GPHN: variants seen among roughly 807,000 people sequenced by gnomAD.
GPHN encodes gephyrin.
In GPHN, 17 loss-of-function variants were observed where a neutral mutation model predicts 95.5. That is an observed-to-expected ratio of 0.18 (90% CI 0.12 to 0.27). GPHN has a LOEUF of 0.27. Ranked by LOEUF, GPHN falls within the 10% of genes least tolerant of loss-of-function variation. The pLI is 1.00. For synonymous variants in GPHN, 320 were observed against 322.5 expected (o/e 0.99, Z 0.08); for missense variants, 660 against 978.1 (o/e 0.67, Z 4.34).
At chr14:67,436,348 T>G in the GPHN span, among the ~76,000 whole-genome samples, 5 of 152,324 alleles carry the variant, frequency 3.3e-5, no homozygotes, top group African/African-American at 9.6e-5. Flanking sequence ...CATATCAAGC[T>G]TTTATTCGTT....
the GPHN span, among the ~76,000 whole-genome samples, chr14:67,643,881 A>AAT: frequency 2.2e-5 from 3 of 133,662 alleles, no homozygotes; most frequent in Admixed American, 7.5e-5. Flanking sequence ...AAAAAAAAAA[A>AAT]AGACTCAGGT....
chr14:67,660,071 G>A, the GPHN span: 5 of 785,738 alleles, frequency 6.4e-6, no homozygotes, highest in South Asian at 1.9e-5. Flanking sequence ...ACCATGTCTG[G>A]CATGTTCCCC....
the GPHN span, among the ~76,000 whole-genome samples, chr14:67,503,945 GC>G: frequency 6.6e-6 from 1 of 151,900 alleles, no homozygotes; most frequent in African/African-American, 2.4e-5. Context: ...CTCGTGATCT[GC>G]CTGCCTCAGC....
the GPHN span, among the ~76,000 whole-genome samples, chr14:67,251,320 C>G: frequency 7.1e-4 from 108 of 152,238 alleles, 1 homozygote; most frequent in African/African-American, 2.3e-3. Context: ...ACCGCTTGAG[C>G]CCAGGAGTTT....
At chr14:67,585,875 G>A in the GPHN span, 1 of 1,464,098 alleles carries the variant, frequency 6.8e-7, no homozygotes, top group South Asian at 1.3e-5. Flanking sequence ...GTGCCTAGAA[G>A]AGACAGGGGA....
At chr14:67,686,442 C>T in the GPHN span, among the ~76,000 whole-genome samples, 4 of 151,888 alleles carry the variant, frequency 2.6e-5, no homozygotes, top group African/African-American at 4.8e-5. Context: ...AGTTATAGAC[C>T]AGCCTGGGCA....
the GPHN span, among the ~76,000 whole-genome samples, chr14:67,225,986 C>T: frequency 3.3e-5 from 5 of 149,418 alleles, no homozygotes; most frequent in African/African-American, 5.0e-5. Context: ...TGCGCATGCG[C>T]GTGCATGCTC....
chr14:66,684,660 A>C (rs1393265295), intron 2 of GPHN, among the ~76,000 whole-genome samples: 1 of 152,328 alleles, frequency 6.6e-6, no homozygotes, highest in South Asian at 2.1e-4. Flanking sequence ...TATTGTGTGA[A>C]CATGGCAGAG....
the GPHN span, among the ~76,000 whole-genome samples, chr14:67,686,882 G>A: frequency 9.2e-5 from 14 of 152,130 alleles, no homozygotes; most frequent in Non-Finnish European, 1.8e-4. Flanking sequence ...TGAAGAAACA[G>A]AATTTTTCTG....
At chr14:67,282,427 A>G in the GPHN span, among the ~76,000 whole-genome samples, 1 of 152,134 alleles carries the variant, frequency 6.6e-6, no homozygotes, top group Non-Finnish European at 1.5e-5. Context: ...ACAATACATC[A>G]TCATTTATCT....
At chr14:67,595,287 G>A in the GPHN span, among the ~76,000 whole-genome samples, 1 of 152,184 alleles carries the variant, frequency 6.6e-6, no homozygotes, top group Non-Finnish European at 1.5e-5. Context: ...AACAATGTTT[G>A]TATGGGTACT....
intron 8 of GPHN, among the ~76,000 whole-genome samples, chr14:66,944,853 C>A (rs1262994672): frequency 1.3e-5 from 2 of 152,226 alleles, no homozygotes; most frequent in Non-Finnish European, 2.9e-5. Context: ...GGCCAGCCTG[C>A]CATTAGGCAC....
chr14:66,880,350 TTTGTTG>T (rs35170352), intron 5 of GPHN, among the ~76,000 whole-genome samples: 57 of 150,456 alleles, frequency 3.8e-4, no homozygotes, highest in South Asian at 1.5e-3. Flanking sequence ...TTCACTTCTT[TTTGTTG>T]TTGTTGTTGT....
At chr14:67,352,798 T>C in the GPHN span, 12 of 659,574 alleles carry the variant, frequency 1.8e-5, no homozygotes, top group Non-Finnish European at 3.1e-5. Context: ...TTGTTAAACT[T>C]ATAATGGTAT....
At chr14:67,476,804 G>A in the GPHN span, among the ~76,000 whole-genome samples, 13 of 152,016 alleles carry the variant, frequency 8.6e-5, no homozygotes, top group East Asian at 9.7e-4. Context: ...TTAGACATAC[G>A]TACCAAATGT....
intron 11 of GPHN, among the ~76,000 whole-genome samples, chr14:67,069,817 T>C (rs1286449162): frequency 6.6e-6 from 1 of 152,226 alleles, no homozygotes; most frequent in African/African-American, 2.4e-5. Context: ...CATTAGAAAA[T>C]TTAATTAAGC....
the GPHN span, chr14:67,600,332 C>G: frequency 3.9e-6 from 3 of 763,768 alleles, no homozygotes; most frequent in South Asian, 4.1e-5. Context: ...TGCGCAGCCT[C>G]AGTTGCGCGC....
chr14:67,580,308 C>T, the GPHN span: 1 of 172,566 alleles, frequency 5.8e-6, no homozygotes, highest in African/African-American at 2.4e-5. Context: ...TAGGTTGAAC[C>T]ACACTTTTAA....
chr14:67,381,236 T>C, the GPHN span, among the ~76,000 whole-genome samples: 1 of 152,306 alleles, frequency 6.6e-6, no homozygotes, highest in East Asian at 1.9e-4. Flanking sequence ...GATGAACATT[T>C]AGGTTGTGCC....
Sources: gnomAD v4.1 joint callset for allele counts (sites outside exome capture counted in the v4.1 genomes callset) on GRCh38, gnomAD v4.1.1 for gene constraint, MANE v1.5 for transcripts, NCBI Gene and HGNC (gene_info 2026-07-23, HGNC 2026-07-21) for gene names.